PPP6R2: variants seen among roughly 807,000 people sequenced by gnomAD.
PPP6R2 encodes the protein serine/threonine-protein phosphatase 6 regulatory subunit 2.
A neutral mutation model predicts 100.2 loss-of-function variants in PPP6R2; 62 were observed. That is an observed-to-expected ratio of 0.62 (90% CI 0.50 to 0.76). The LOEUF (loss-of-function observed/expected upper bound fraction) is 0.76. PPP6R2 is among the 30% of genes least tolerant of loss of function. PPP6R2 has a pLI of 0.00. For synonymous variants in PPP6R2, 525 were observed against 514.7 expected (o/e 1.02, Z -0.27); for missense variants, 1,142 against 1,276.3 (o/e 0.89, Z 1.60).
chr22:50,406,874 A>T lies in PPP6R2; in HGVS notation c.413A>T (p.Gln138Leu). The T allele has an allele frequency of 6.2e-7, 1 of 1,613,210 alleles. No homozygotes were observed. The highest frequency in any genetic ancestry group is 8.5e-7 in the Non-Finnish European group (1 of 1,179,148). The change falls in exon 4 of 24, where the codon CAG becomes CTG. Residue 138 changes from glutamine to leucine, a missense_variant and splice_region_variant. Physicochemically the swap from Gln to Leu is moderately radical, Grantham distance 113. Coordinates refer to ENST00000612753, the MANE Select transcript of PPP6R2 (RefSeq NM_001242898.2). ...IGNLIARKTE[Q>L]VITFLKKKDK... The stretch of plus-strand genomic sequence containing the variant: ...AATCTCATTGCAAGAAAAACCGAAC[A>T]GGTAAATCACGTGCAAAGCCTCCGT...
chr22:50,417,175 A>G (rs756585054), intron 6 of PPP6R2, among the ~76,000 whole-genome samples: 2 of 152,132 alleles, frequency 1.3e-5, no homozygotes, highest in Admixed American at 6.5e-5. Context: ...GGCCAGCTCC[A>G]TGGTCACAGA....
chr22:50,397,882 G>A (rs1381144682), intron 3 of PPP6R2, among the ~76,000 whole-genome samples: 3 of 122,818 alleles, frequency 2.4e-5, no homozygotes, highest in African/African-American at 1.0e-4. Flanking sequence ...TCTCTGAGGA[G>A]TGTGACTTGG....
intron 4 of PPP6R2, among the ~76,000 whole-genome samples, chr22:50,409,155 G>A (rs1438170430): frequency 6.6e-6 from 1 of 152,202 alleles, no homozygotes; most frequent in African/African-American, 2.4e-5. Context: ...CTGTGAGGCA[G>A]GGATGCCTTG....
chr22:50,335,218 ATTTTTT>A, the PPP6R2 span, among the ~76,000 whole-genome samples: 1 of 101,658 alleles, frequency 9.8e-6, no homozygotes, highest in South Asian at 3.4e-4. Flanking sequence ...CACCCGGCTA[ATTTTTT>A]TTTTTTTTTT....
Position 50,406,752 on chromosome 22 carries a change from T to C in PPP6R2, c.291T>C (p.Gly97=). Reference sequence around the variant, plus strand: ...TGCCGCAGATCAGCGACCGCCTCGGTGGGGACGAGAGCCTGCTGAGCCTCC... The same window carrying C: ...TGCCGCAGATCAGCGACCGCCTCGGCGGGGACGAGAGCCTGCTGAGCCTCC... ...CDVPQISDRL[G]GDESLLSLLY... is the part of the protein sequence containing the mutation. Residue 97 remains glycine (G), a synonymous_variant, in exon 4 of 24, where the codon GGT becomes GGC. Coordinates refer to ENST00000612753, the MANE Select transcript of PPP6R2 (RefSeq NM_001242898.2). The C allele has an allele frequency of 6.2e-7, 1 of 1,614,108 alleles. No individual in the cohort carries two copies. The highest frequency in any genetic ancestry group is 2.2e-5 in the East Asian group (1 of 44,886).
the PPP6R2 span, among the ~76,000 whole-genome samples, chr22:50,336,521 G>A: frequency 1.6e-3 from 243 of 152,136 alleles, no homozygotes; most frequent in African/African-American, 5.4e-3. Context: ...GACTACAGTC[G>A]TGCATCACCA....
Position 50,423,634 on chromosome 22 carries a change from A to AGCCCT in PPP6R2, c.1125+23_1125+27dup. 1 of 1,613,746 alleles carries AGCCCT rather than the reference A, an allele frequency of 6.2e-7. No homozygotes were observed. The highest frequency in any genetic ancestry group is 8.5e-7 in the Non-Finnish European group (1 of 1,179,912). ...CTGCTGGTAAGTGGGCCCCTCAGCC[A>AGCCCT]GCCCTGCATGTCTGTGAGTGTGCCG... is the stretch of plus-strand genomic sequence containing the variant. On this transcript the variant is annotated intron_variant, in intron 10 of 23. Coordinates refer to ENST00000612753, the MANE Select transcript of PPP6R2 (RefSeq NM_001242898.2). The surrounding 1 kb of genome is among the most constrained non-coding windows in gnomAD (Gnocchi z 4.8).
intron 6 of PPP6R2, among the ~76,000 whole-genome samples, chr22:50,417,708 T>C (rs1249306421): frequency 1.3e-5 from 2 of 151,932 alleles, no homozygotes; most frequent in Non-Finnish European, 1.5e-5. Flanking sequence ...CTGCCTGATG[T>C]TGGCGTCTGT....
At chr22:50,337,906 G>GAT in the PPP6R2 span, among the ~76,000 whole-genome samples, 1 of 131,420 alleles carries the variant, frequency 7.6e-6, no homozygotes, top group African/African-American at 2.9e-5. Context: ...TGGTCTGTGT[G>GAT]GTGTAGTGTG....
chr22:50,437,804 C>G (rs886618346), intron 16 of PPP6R2, 39 bp from the exon 17 acceptor site: 1 of 1,549,072 alleles, frequency 6.5e-7, no homozygotes, highest in Non-Finnish European at 8.7e-7. Flanking sequence ...GAGCAGTGGG[C>G]CTGGAGGAAC....
chr22:50,436,567 C>A (rs372228790), intron 14 of PPP6R2, 115 bp downstream of exon 14: 2 of 1,013,448 alleles, frequency 2.0e-6, no homozygotes, highest in East Asian at 2.6e-5. Context: ...CGCACGCCTG[C>A]CTGCTCCTCT....
At chr22:50,413,085 G>A (rs1275465395) in intron 4 of PPP6R2, among the ~76,000 whole-genome samples, 7 of 151,534 alleles carry the variant, frequency 4.6e-5, no homozygotes, top group Non-Finnish European at 8.8e-5. Flanking sequence ...AGCCTCCCGA[G>A]TAGCTGGGAT....
chr22:50,346,912 G>A (rs750318887), intron 1 of PPP6R2, among the ~76,000 whole-genome samples: 10 of 148,144 alleles, frequency 6.8e-5, no homozygotes, highest in East Asian at 2.0e-4. Flanking sequence ...GTCACTGACC[G>A]CATAATCCCT....
chr22:50,355,776 C>T (rs1396870706), intron 1 of PPP6R2, among the ~76,000 whole-genome samples: 1 of 151,264 alleles, frequency 6.6e-6, no homozygotes, highest in East Asian at 1.9e-4. Flanking sequence ...CCGCCTCGGC[C>T]TCCCAAATTG....
chr22:50,358,999 C>A (rs1184752302), intron 1 of PPP6R2, among the ~76,000 whole-genome samples: 2 of 105,248 alleles, frequency 1.9e-5, no homozygotes, highest in African/African-American at 2.7e-5. Flanking sequence ...CGCCCCCCCC[C>A]CCCCCCCAAC....
chr22:50,375,841 T>TC (rs1253550925), intron 2 of PPP6R2, among the ~76,000 whole-genome samples: 25 of 130,844 alleles, frequency 1.9e-4, no homozygotes, highest in African/African-American at 7.7e-4. Flanking sequence ...GATTTTTTTT[T>TC]TTTTTTTTTT....
Position 50,410,500 on chromosome 22 carries a change from G to A in PPP6R2, c.414+3625G>A, listed in dbSNP as rs547980351. ...TTTTTTTTTTTTTTTTTTTTGAGAC[G>A]GAGTCTTGCTCTGTCGTCCAGGCTG... On this transcript the variant is annotated intron_variant, in intron 4 of 23. Coordinates refer to ENST00000612753, the MANE Select transcript of PPP6R2 (RefSeq NM_001242898.2). Among the ~76,000 whole-genome samples, 7 of 133,646 alleles carry A rather than the reference G, an allele frequency of 5.2e-5. No individual in the cohort carries two copies. In the East Asian group the frequency reaches 8.2e-4, roughly 16 times the overall value. 87.7% of individuals were successfully genotyped at this position (133,646 alleles called of 152,430 possible). A position where few individuals can be genotyped will look rare whatever the true frequency, so the allele number is the denominator to read the frequency against.
intron 4 of PPP6R2, among the ~76,000 whole-genome samples, chr22:50,412,373 G>A (rs2059873201): frequency 6.6e-6 from 1 of 151,312 alleles, no homozygotes; most frequent in Non-Finnish European, 1.5e-5. Context: ...TATATTTTTA[G>A]TAGAGACCAT....
intron 2 of PPP6R2, chr22:50,393,401 G>A (rs1339786605): frequency 1.0e-6 from 1 of 985,232 alleles, no homozygotes; most frequent in Non-Finnish European, 1.2e-6. Context: ...ACTTTCAGAG[G>A]GGAGATGTCC....
Sources: gnomAD v4.1 joint callset for allele counts (sites outside exome capture counted in the v4.1 genomes callset) on GRCh38, gnomAD v4.1.1 for gene constraint, Gnocchi (gnomAD v3.1) non-coding constraint, MANE v1.5 for transcripts, NCBI Gene and HGNC (gene_info 2026-07-23, HGNC 2026-07-21) for gene names.